The following NXN variants were observed in gnomAD, a reference collection of about 807,000 sequenced individuals.
NXN encodes the protein nucleoredoxin.
NXN carries 16 observed loss-of-function variants against 48.6 expected under a neutral mutation model. The ratio of observed to expected loss-of-function variants is 0.33; its 90% CI spans 0.22 to 0.50. The LOEUF is 0.50. NXN is among the 20% of genes least tolerant of loss of function. The pLI is 0.98. For synonymous variants in NXN, 281 were observed against 269.6 expected (o/e 1.04, Z -0.41); for missense variants, 492 against 605.5 (o/e 0.81, Z 1.97).
intron 5 of NXN, among the ~76,000 whole-genome samples, chr17:806,923 C>T (rs1396348412): frequency 1.6e-5 from 1 of 62,664 alleles, no homozygotes; most frequent in Non-Finnish European, 2.7e-5. Flanking sequence ...CACTCACATA[C>T]ACACACACAC....
intron 1 of NXN, chr17:896,854 A>AGGGGGGGGGGGGGG: frequency 1.1e-6 from 1 of 908,610 alleles, no homozygotes; most frequent in Non-Finnish European, 1.5e-6. Context: ...CGCGGTCCTG[A>AGGGGGGGGGGGGGG]CCACCCGCCC....
intron 1 of NXN, among the ~76,000 whole-genome samples, chr17:904,509 GT>G (rs1317633927): frequency 5.9e-5 from 9 of 152,122 alleles, no homozygotes; most frequent in African/African-American, 2.2e-4. Flanking sequence ...ATTCCCATCA[GT>G]AACAGGAACT....
At chr17:842,388 G>T (rs1337884823) in intron 1 of NXN, 4 of 373,214 alleles carry the variant, frequency 1.1e-5, no homozygotes, top group Non-Finnish European at 1.5e-5. Flanking sequence ...CTAAGAAATG[G>T]AAATGCAGTG....
rs1190095923 is a variant in NXN, at chr17:945,295, T to C, written c.360+34024A>G. 3.3e-5 allele frequency among the ~76,000 whole-genome samples: 5 copies of C among 151,684 alleles called. No individual in the cohort carries two copies. The East Asian group carries it at 7.9e-4, about 24-fold the overall frequency. ...CGAGGTTTCACCATGTTGGCCAGGCTGGTCTCCAACTCCTGACCTCAGGTG... is the reference window on the plus strand; with the variant it reads ...CGAGGTTTCACCATGTTGGCCAGGCCGGTCTCCAACTCCTGACCTCAGGTG... On this transcript the variant is annotated intron_variant, in intron 1 of 7. Transcript: ENST00000336868.
At chr17:840,313 G>A (rs1050284970) in intron 1 of NXN, among the ~76,000 whole-genome samples, 4 of 152,016 alleles carry the variant, frequency 2.6e-5, no homozygotes, top group African/African-American at 7.2e-5. Flanking sequence ...AGGAAATGCC[G>A]GTTACTCTCA....
Position 805,137 on chromosome 17 carries a change from G to C in NXN, c.931C>G (p.Pro311Ala). The change falls in exon 6 of 8, where the codon CCC (proline) becomes GCC (alanine). Residue 311 changes from proline to alanine, a missense_variant. By Grantham distance (27) the Pro-to-Ala change is conservative. This residue lies in a region of NXN where 303 missense variants were observed against 388.3 expected (regional missense o/e 0.78). Transcript: ENST00000336868. ...TTGGAGTCGGAGAGCTCCAGCACGG[G>C]CTTGGGGTGCCAGGGGAACTCCCGG... ...DCREFPWHPK[P>A]VLELSDSNAA... 3 of 1,610,282 alleles carry C rather than the reference G, an allele frequency of 1.9e-6. No homozygotes were observed. In the South Asian group the frequency reaches 3.3e-5, roughly 18 times the overall value.
rs145301347 is a variant in NXN, at chr17:834,561, C to G, written c.361-8483G>C. 5.9e-5 allele frequency among the ~76,000 whole-genome samples: 9 copies of G among 152,216 alleles called. No homozygotes were observed. The East Asian group carries it at 1.7e-3, about 30-fold the overall frequency. ...TCCTGAGTAGCTGGAATTACAGGCA[C>G]CAACCACCATGCCTGGCTAATTTTT... On this transcript the variant is annotated intron_variant, in intron 1 of 7. Transcript: ENST00000336868.
At chr17:819,214 T>G (rs977648764) in intron 5 of NXN, 3 of 534,234 alleles carry the variant, frequency 5.6e-6, no homozygotes, top group Non-Finnish European at 1.0e-5. Context: ...CCCAAAGTGC[T>G]GGGGTTACAG....
chr17:829,280 C>G (rs1296602064), intron 1 of NXN, among the ~76,000 whole-genome samples: 27 of 151,696 alleles, frequency 1.8e-4, no homozygotes, highest in Admixed American at 4.6e-4. Flanking sequence ...CTCAGCCTCC[C>G]GAGTAGCTGG....
intron 1 of NXN, among the ~76,000 whole-genome samples, chr17:837,094 T>A (rs1433942304): frequency 1.3e-5 from 2 of 152,070 alleles, no homozygotes; most frequent in East Asian, 1.9e-4. Flanking sequence ...TCCCCCCACC[T>A]CAGCCTCCGA....
At chr17:941,423 A>C (rs1308800363) in intron 1 of NXN, among the ~76,000 whole-genome samples, 6 of 145,278 alleles carry the variant, frequency 4.1e-5, no homozygotes, top group East Asian at 4.2e-4. Flanking sequence ...TACAGCGAAC[A>C]AGATTCCAGG....
chr17:892,636 CGGGGT>C (rs1031792878), intron 1 of NXN, among the ~76,000 whole-genome samples: 7 of 57,818 alleles, frequency 1.2e-4, no homozygotes, highest in African/African-American at 4.6e-4. Context: ...AGGGGCGGGG[CGGGGT>C]GGGGTGTGTG....
intron 1 of NXN, among the ~76,000 whole-genome samples, chr17:915,646 C>CTTCCGAGCT (rs1158959467): frequency 3.3e-5 from 5 of 152,186 alleles, no homozygotes; most frequent in Admixed American, 6.6e-5. Flanking sequence ...TAGTGTAACG[C>CTTCCGAGCT]TTCCGAGCTT....
intron 1 of NXN, among the ~76,000 whole-genome samples, chr17:900,055 C>G (rs964052301): frequency 1.3e-5 from 2 of 152,130 alleles, no homozygotes; most frequent in African/African-American, 2.4e-5. Context: ...CTCCTGAGGT[C>G]AGGAGTTTGA....
chr17:852,170 C>A (rs1444533317), intron 1 of NXN, among the ~76,000 whole-genome samples: 1 of 152,212 alleles, frequency 6.6e-6, no homozygotes, highest in East Asian at 1.9e-4. Context: ...AGGCTCTTGG[C>A]CAAACAGCAA....
chr17:895,233 T>C (rs2068465685), intron 1 of NXN, among the ~76,000 whole-genome samples: 1 of 150,002 alleles, frequency 6.7e-6, no homozygotes, highest in African/African-American at 2.5e-5. Flanking sequence ...GCCAGGCTAG[T>C]CTTGAACTCC....
intron 1 of NXN, among the ~76,000 whole-genome samples, chr17:854,076 T>C (rs914697841): frequency 1.4e-4 from 22 of 152,100 alleles, no homozygotes; most frequent in African/African-American, 4.8e-4. Flanking sequence ...CCCACTGGAC[T>C]ACAAAGCTCC....
intron 1 of NXN, among the ~76,000 whole-genome samples, chr17:969,548 A>G (rs1484903250): frequency 6.6e-6 from 1 of 152,210 alleles, no homozygotes; most frequent in East Asian, 1.9e-4. Flanking sequence ...CGGCGGTCAC[A>G]CTGCGATTTT....
At chr17:884,094 G>A (rs1178780456) in intron 1 of NXN, among the ~76,000 whole-genome samples, 2 of 152,074 alleles carry the variant, frequency 1.3e-5, no homozygotes, top group African/African-American at 2.4e-5. Flanking sequence ...GGTGGTGGGC[G>A]CCTGTGGTCC....
Sources: gnomAD v4.1 joint callset for allele counts (sites outside exome capture counted in the v4.1 genomes callset) on GRCh38, gnomAD v4.1.1 for gene constraint, gnomAD v4.1.1 regional missense constraint, MANE v1.5 for transcripts, NCBI Gene and HGNC (gene_info 2026-07-23, HGNC 2026-07-21) for gene names.